MCRS1: variants seen among roughly 807,000 people sequenced by gnomAD.
The protein encoded by MCRS1 is 58 kDa microspherule protein.
Under a neutral mutation model 62.9 loss-of-function variants are expected in MCRS1, and 22 were observed. That is an observed-to-expected ratio of 0.35 (90% confidence interval 0.25 to 0.50). The LOEUF (loss-of-function observed/expected upper bound fraction) is 0.50. MCRS1 is among the 20% of genes least tolerant of loss of function. The pLI is 0.98. For synonymous variants in MCRS1, 244 were observed against 233.5 expected, an observed-to-expected ratio of 1.04 and a Z score of -0.41; for missense variants, 456 against 601.1, an observed-to-expected ratio of 0.76 and a Z score of 2.52.
At chr12:49,562,932 C>G in intron 8 of MCRS1, 69 bp downstream of exon 8, 2 of 1,510,040 alleles carry the variant, frequency 1.3e-6, no homozygotes, top group Admixed American at 3.9e-5. Context: ...GCAGCTGTGT[C>G]GAGTACTTCA....
chr12:49,567,021 G>T (rs1315138849), intron 1 of MCRS1, among the ~76,000 whole-genome samples, 180 bp from the exon 2 acceptor site: 1 of 152,206 alleles, frequency 6.6e-6, no homozygotes, highest in Non-Finnish European at 1.5e-5. Context: ...GAAGGTCACT[G>T]GCACCTTTCA....
chr12:49,566,079 G>A lies in MCRS1; in HGVS notation c.147C>T (p.Ser49=). The change falls in exon 3 of 15, where the codon TCC becomes TCT. Residue 49 remains serine (S), a splice_region_variant and synonymous_variant. Coordinates refer to ENST00000343810, the MANE Select transcript of MCRS1 (RefSeq NM_006337.5). ...CTGGCCCTCCGAACCCTTACTACCTGGAGGAGCTTCTCCGTTTAGGGATGG... is the reference window on the plus strand; with the variant it reads ...CTGGCCCTCCGAACCCTTACTACCTAGAGGAGCTTCTCCGTTTAGGGATGG... The part of the protein sequence containing the change: ...LGTIPKRRSS[S]RFIKRKKFDD... 1 of 1,613,650 alleles carries A rather than the reference G, an allele frequency of 6.2e-7. No homozygotes were observed. The highest frequency in any genetic ancestry group is 8.5e-7 in the Non-Finnish European group (1 of 1,179,746).
At chr12:49,563,295 C>A in intron 7 of MCRS1, 143 bp downstream of exon 7, 1 of 1,377,220 alleles carries the variant, frequency 7.3e-7, no homozygotes, top group South Asian at 1.3e-5. Context: ...AGGCCCCTGT[C>A]ACAAACGCCC....
In MCRS1 at chr12:49,558,485, A is replaced by C. The variant is rs924597209; in HGVS notation, c.*158T>G. The C allele has an allele frequency of 1.4e-6, 1 of 712,902 alleles. No homozygotes were observed. The highest frequency in any genetic ancestry group is 1.8e-5 in the African/African-American group (1 of 55,716). The allele number at this position is 712,902 out of a possible 1,614,324, so 44.2% of individuals were successfully genotyped here. On this transcript the variant is annotated 3_prime_UTR_variant, in exon 15 of 15. Coordinates refer to ENST00000343810, the MANE Select transcript of MCRS1 (RefSeq NM_006337.5). ...GTTCTCAGCCTCTGCTGGCTTCACA[A>C]AGGCCAGCCCTATCCTCCCTCAAAG...
At chr12:49,566,427 T>C (rs1939067328) in intron 2 of MCRS1, 1 of 1,575,664 alleles carries the variant, frequency 6.3e-7, no homozygotes, top group African/African-American at 1.3e-5. Flanking sequence ...GTTCCCCCGG[T>C]GCCACGTGTC....
chr12:49,565,628 C>T lies in MCRS1; in HGVS notation c.189G>A (p.Glu63=), dbSNP rs969725448. Residue 63 remains glutamate (E), a synonymous_variant, in exon 4 of 15, where the codon GAG becomes GAA. Transcript: ENST00000343810. The part of the protein sequence containing the change: ...KRKKFDDELV[E]SSLAKSSTRA... ...GGGTAGAAGATTTTGCCAGGCTGCT[C>T]TCCACCAGCTCATCATCGAACTTCT... The T allele has an allele frequency of 6.2e-7, 1 of 1,614,084 alleles. No individual in the cohort carries two copies. The highest frequency in any genetic ancestry group is 1.7e-5 in the Admixed American group (1 of 60,000).
intron 7 of MCRS1, 125 bp downstream of exon 7, chr12:49,563,313 T>C: frequency 1.5e-6 from 2 of 1,333,054 alleles, no homozygotes; most frequent in South Asian, 1.3e-5. Flanking sequence ...CCCCTGCCAA[T>C]GTGCACACGT....
chr12:49,561,759 G>C (rs925698770), intron 8 of MCRS1, among the ~76,000 whole-genome samples: 4 of 152,216 alleles, frequency 2.6e-5, no homozygotes, highest in African/African-American at 9.7e-5. Flanking sequence ...TTCCTGAGTA[G>C]CTGGGATTAC....
intron 2 of MCRS1, 76 bp downstream of exon 2, chr12:49,566,646 A>G (rs544396324): frequency 6.2e-7 from 1 of 1,603,456 alleles, no homozygotes; most frequent in Admixed American, 1.7e-5. Flanking sequence ...CGAAAGACAC[A>G]CGTGCCAGGC....
At chr12:49,561,988 T>TA (rs1229106611) in intron 8 of MCRS1, among the ~76,000 whole-genome samples, 1 of 152,202 alleles carries the variant, frequency 6.6e-6, no homozygotes, top group Non-Finnish European at 1.5e-5. Flanking sequence ...CAGTATCTGT[T>TA]CTCTCTGTGG....
chr12:49,565,562 C>T lies in MCRS1; in HGVS notation c.255G>A (p.Ser85=), dbSNP rs186905158. ...TCTCACTGGAGGAGGGTTCACTCCC[C>T]GAACAGCGCCCTGGTTCCACCCCAC... is the stretch of plus-strand genomic sequence containing the variant. The part of the protein sequence containing the change: ...GASGVEPGRC[S]GSEPSSSEKK... The change falls in exon 4 of 15, where the codon TCG becomes TCA. Residue 85 remains serine, a synonymous_variant. Coordinates refer to ENST00000343810, the MANE Select transcript of MCRS1 (RefSeq NM_006337.5). The T allele has an allele frequency of 3.6e-5, 58 of 1,608,362 alleles. No individual in the cohort carries two copies. Among genetic ancestry groups the T allele is most frequent in the South Asian group, 3.2e-4 (29 of 89,892 alleles).
intron 6 of MCRS1, 143 bp from the exon 7 acceptor site, chr12:49,563,689 G>C: frequency 1.6e-6 from 1 of 631,654 alleles, no homozygotes; most frequent in Admixed American, 2.9e-5. Flanking sequence ...CTAAGGCTTA[G>C]CAGATAATCT....
chr12:49,559,881 T>C lies in MCRS1; in HGVS notation c.910+58A>G. On this transcript the variant is annotated intron_variant, in intron 10 of 14. Coordinates refer to ENST00000343810, the MANE Select transcript of MCRS1 (RefSeq NM_006337.5). This position sits in a 1 kb window ranked among gnomAD's most constrained non-coding sequence, Gnocchi z 5.2. ...TGAGGCCACCAGCACCTTGTACTGGTCCTCTTGATTCTGGCAGGAGCTTCC... is the reference window on the plus strand; with the variant it reads ...TGAGGCCACCAGCACCTTGTACTGGCCCTCTTGATTCTGGCAGGAGCTTCC... 1 of 1,613,994 alleles carries C rather than the reference T, an allele frequency of 6.2e-7. No homozygotes were observed. Among genetic ancestry groups the C allele is most frequent in the South Asian group, 1.1e-5 (1 of 91,070 alleles).
rs1565788132 is a variant in MCRS1 at position 49,559,783 on chromosome 12, G to C, written c.949C>G (p.Arg317Gly). ...VADRRQKREI[R>G]QLEQELHKWQ... ...TTATGCAGTTCCTGTTCCAGCTGCC[G>C]AATCTCTCGCTTCTGGCGCCGGTCA... The change falls in exon 11 of 15, where the codon CGG (arginine) becomes GGG (glycine). Residue 317 changes from arginine (R) to glycine (G), a missense_variant. By Grantham distance (125) the Arg-to-Gly change is moderately radical. Coordinates refer to ENST00000343810, the MANE Select transcript of MCRS1 (RefSeq NM_006337.5). This position sits in a 1 kb window ranked among gnomAD's most constrained non-coding sequence, Gnocchi z 5.2. The C allele has an allele frequency of 6.2e-7, 1 of 1,614,196 alleles. No homozygotes were observed. Among genetic ancestry groups the C allele is most frequent in the South Asian group, 1.1e-5 (1 of 91,074 alleles).
Position 49,565,535 on chromosome 12 carries a change from C to T in MCRS1, c.282G>A (p.Lys94=), listed in dbSNP as rs745805059. 5 of 1,588,182 alleles carry T rather than the reference C, an allele frequency of 3.1e-6. No individual in the cohort carries two copies. The Admixed American group carries it at 7.1e-5, about 22-fold the overall frequency. Residue 94 remains lysine (K), a synonymous_variant, in exon 4 of 15, where the codon AAG becomes AAA. Coordinates refer to ENST00000343810, the MANE Select transcript of MCRS1 (RefSeq NM_006337.5). ...CSGSEPSSSE[K]KKVSKAPSTP... is the part of the protein sequence containing the mutation. The stretch of plus-strand genomic sequence containing the variant: ...AAGTCTCCCAATTCCTCACCTTCTT[C>T]TTCTCACTGGAGGAGGGTTCACTCC...
At chr12:49,561,817 C>T (rs1157462200) in intron 8 of MCRS1, among the ~76,000 whole-genome samples, 10 of 151,470 alleles carry the variant, frequency 6.6e-5, no homozygotes, top group Non-Finnish European at 1.2e-4. Context: ...TTAGTAGAGA[C>T]GGGGTTATAC....
intron 8 of MCRS1, among the ~76,000 whole-genome samples, chr12:49,562,625 G>A (rs1938828596): frequency 6.6e-6 from 1 of 152,186 alleles, no homozygotes; most frequent in Admixed American, 6.5e-5. Context: ...ACAAACTGAA[G>A]GGTGGGCAGG....
intron 6 of MCRS1, among the ~76,000 whole-genome samples, chr12:49,564,128 G>A (rs911908352): frequency 6.6e-6 from 1 of 152,182 alleles, no homozygotes; most frequent in Non-Finnish European, 1.5e-5. Context: ...GAAACTGTAG[G>A]AGGTCAATGT....
At chr12:49,565,431 C>T in intron 4 of MCRS1, 98 bp downstream of exon 4, 1 of 1,518,822 alleles carries the variant, frequency 6.6e-7, no homozygotes, top group Non-Finnish European at 8.8e-7. Flanking sequence ...GGTCCTCTCA[C>T]CAGCCTGCTC....
Sources: gnomAD v4.1 joint callset for allele counts (sites outside exome capture counted in the v4.1 genomes callset) on GRCh38, gnomAD v4.1.1 for gene constraint, Gnocchi (gnomAD v3.1) non-coding constraint, MANE v1.5 for transcripts, NCBI Gene and HGNC (gene_info 2026-07-23, HGNC 2026-07-21) for gene names.